The following PIGB variants were observed in gnomAD, a reference collection of about 807,000 sequenced individuals.
PIGB encodes GPI alpha-1,2-mannosyltransferase 3.
PIGB carries 58 observed loss-of-function variants against 68.4 expected under a neutral mutation model. The ratio of observed to expected loss-of-function variants is 0.85; its 90% CI spans 0.69 to 1.06. PIGB has a LOEUF of 1.06. Ranked by LOEUF, PIGB falls within the 50% of genes least tolerant of loss-of-function variation. The pLI, the probability that PIGB is intolerant of heterozygous loss-of-function variation, is 0.00. For missense variants in PIGB, 634 were observed against 655.8 expected (o/e 0.97, Z 0.36); for synonymous variants, 219 against 220.5 (o/e 0.99, Z 0.06).
chr15:55,347,103 T>C (rs1241389932), intron 9 of PIGB, among the ~76,000 whole-genome samples: 1 of 152,270 alleles, frequency 6.6e-6, no homozygotes, highest in African/African-American at 2.4e-5. Flanking sequence ...ATATGTCAAA[T>C]GCATAGTAAT....
chr15:55,321,291 G>A lies in PIGB; in HGVS notation c.318G>A (p.Trp106Ter), dbSNP rs2055157360. 2 of 1,602,458 alleles carry A rather than the reference G, an allele frequency of 1.2e-6. No homozygotes were observed. Among genetic ancestry groups the A allele is most frequent in the Admixed American group, 3.4e-5 (2 of 58,926 alleles). Residue 106 changes from tryptophan (W) to a stop codon, truncating the protein, a stop_gained, in exon 3 of 12, where the codon TGG (tryptophan) becomes TGA (stop). Coordinates refer to ENST00000164305, the MANE Select transcript of PIGB (RefSeq NM_004855.5). LOFTEE classifies it high-confidence loss of function. ...HMVFNYGYLT[W>*]EWTERLRSYT... ...TTACTAATTATGGTTATTTGACTTG[G>A]GAATGGACAGAGAGACTGAGGAGTT...
At chr15:55,321,682 T>G (rs1363097531) in intron 3 of PIGB, among the ~76,000 whole-genome samples, 1 of 141,244 alleles carries the variant, frequency 7.1e-6, no homozygotes, top group African/African-American at 2.7e-5. Context: ...GGACGGAGTT[T>G]GCTCTTGTTG....
At chr15:55,345,921 CAA>C (rs1566957680) in intron 9 of PIGB, among the ~76,000 whole-genome samples, 2 of 152,200 alleles carry the variant, frequency 1.3e-5, no homozygotes, top group Middle Eastern at 3.4e-3. Flanking sequence ...TAAGCTTTCT[CAA>C]AGAGTATTTA....
chr15:55,329,631 C>A, intron 4 of PIGB, 93 bp from the exon 5 acceptor site: 1 of 1,018,966 alleles, frequency 9.8e-7, no homozygotes, highest in Non-Finnish European at 1.4e-6. Context: ...GTCCTTTTCA[C>A]AATATTTAGA....
At chr15:55,339,543 G>A (rs549687503) in intron 7 of PIGB, among the ~76,000 whole-genome samples, 4 of 152,314 alleles carry the variant, frequency 2.6e-5, no homozygotes, top group African/African-American at 9.6e-5. Context: ...ATTATTAAGT[G>A]AGCACTGAAT....
intron 3 of PIGB, among the ~76,000 whole-genome samples, chr15:55,326,967 T>A (rs1234427254): frequency 6.6e-6 from 1 of 152,046 alleles, no homozygotes; most frequent in African/African-American, 2.4e-5. Flanking sequence ...GGTGGAAGTA[T>A]CATTTGAGGC....
rs1219812651 is a variant in PIGB at position 55,331,415 on chromosome 15, T to TA, written c.653+1567dup. ...TAAAATGACATTTTGCACACTCCTT[T>TA]AAAAAATGCAACTATTGGCCGGGTG... On this transcript the variant is annotated intron_variant, in intron 5 of 11. Coordinates refer to ENST00000164305, the MANE Select transcript of PIGB (RefSeq NM_004855.5). Among the ~76,000 whole-genome samples, 3 of 152,122 alleles carry TA rather than the reference T, an allele frequency of 2.0e-5. No homozygotes were observed. In the East Asian group the frequency reaches 5.8e-4, roughly 29 times the overall value.
At chr15:55,338,261 C>G (rs1035845314) in intron 6 of PIGB, among the ~76,000 whole-genome samples, 2 of 152,238 alleles carry the variant, frequency 1.3e-5, no homozygotes, top group Non-Finnish European at 2.9e-5. Context: ...AATCCCCTCC[C>G]CCTTGAACAT....
chr15:55,343,465 T>G (rs2141205353), intron 9 of PIGB: 1 of 152,046 alleles, frequency 6.6e-6, no homozygotes, highest in East Asian at 1.9e-4. Flanking sequence ...GACGGGGAGG[T>G]TGGTTAGTAA....
chr15:55,345,766 A>C (rs773219379), intron 9 of PIGB, among the ~76,000 whole-genome samples: 13 of 152,132 alleles, frequency 8.5e-5, no homozygotes, highest in Non-Finnish European at 1.5e-4. Context: ...TCTAAAAAAA[A>C]AAAATTCTTC....
At chr15:55,322,901 A>G (rs1360944189) in intron 3 of PIGB, among the ~76,000 whole-genome samples, 2 of 152,132 alleles carry the variant, frequency 1.3e-5, no homozygotes, top group Non-Finnish European at 2.9e-5. Context: ...AATATACATA[A>G]TCTCATCAAT....
At position 55,347,210 on chromosome 15, in the gene PIGB, G is replaced by C. The variant is rs570816697; in HGVS notation, c.1124-3489G>C. Among the ~76,000 whole-genome samples the C allele has an allele frequency of 2.6e-4, 39 of 152,356 alleles. 1 individual carries two copies. Among genetic ancestry groups the C allele is most frequent in the African/African-American group, 9.4e-4 (39 of 41,578 alleles). The stretch of plus-strand genomic sequence containing the variant: ...GCACTTTGGGAGGCTGTGGCGGGCA[G>C]ATCACCTGAGTTTGAGACCAGCCTG... On this transcript the variant is annotated intron_variant, in intron 9 of 11. Transcript: ENST00000164305.
chr15:55,335,999 G>C (rs536163709), intron 6 of PIGB, among the ~76,000 whole-genome samples: 3 of 150,086 alleles, frequency 2.0e-5, no homozygotes, highest in Admixed American at 1.3e-4. Flanking sequence ...TCAGAAGTGA[G>C]TAAGATACAG....
At chr15:55,321,207 TAAAAA>T in intron 2 of PIGB, 61 bp from the exon 3 acceptor site, 1 of 1,154,502 alleles carries the variant, frequency 8.7e-7, no homozygotes. Flanking sequence ...GACCCCATCT[TAAAAA>T]AAAAAAAAAC....
In PIGB at chr15:55,340,759, T is replaced by C. The variant is rs980606843; in HGVS notation, c.994T>C (p.Tyr332His). 6.2e-7 allele frequency: 1 copy of C among 1,611,438 alleles called. No individual in the cohort carries two copies. Among genetic ancestry groups the C allele is most frequent in the Non-Finnish European group, 8.5e-7 (1 of 1,178,588 alleles). ...THLPFFIHGC[Y>H]LAPKRYRILL... ...CTTACCCTTCTTTATTCATGGCTGCTATCTAGCACCAAAGAGATACCGGAT... is the reference window on the plus strand; with the variant it reads ...CTTACCCTTCTTTATTCATGGCTGCCATCTAGCACCAAAGAGATACCGGAT... The change falls in exon 8 of 12, where the codon TAT becomes CAT. Residue 332 changes from tyrosine (Y) to histidine (H), a missense_variant. By Grantham distance (83) the Tyr-to-His change is moderately conservative (BLOSUM62 2). Coordinates refer to ENST00000164305, the MANE Select transcript of PIGB (RefSeq NM_004855.5).
rs149798514 is a variant in PIGB, at chr15:55,347,201, T to C, written c.1124-3498T>C. 3.1e-3 allele frequency among the ~76,000 whole-genome samples: 479 copies of C among 152,300 alleles called. 3 individuals carry two copies. The highest frequency in any genetic ancestry group is 0.011 in the African/African-American group (457 of 41,580). On this transcript the variant is annotated intron_variant, in intron 9 of 11. Transcript: ENST00000164305. ...GTAATCCCAGCACTTTGGGAGGCTG[T>C]GGCGGGCAGATCACCTGAGTTTGAG...
chr15:55,320,497 C>A, intron 2 of PIGB, 87 bp downstream of exon 2: 1 of 1,243,938 alleles, frequency 8.0e-7, no homozygotes, highest in Non-Finnish European at 1.1e-6. Flanking sequence ...GTCCCCCTTG[C>A]TCCCTCGTCT....
rs1206467521 is a variant in PIGB, at chr15:55,340,706, A to G, written c.941A>G (p.Gln314Arg). The change falls in exon 8 of 12, where the codon CAA (glutamine) becomes CGA (arginine). Residue 314 changes from glutamine (Q) to arginine (R), a missense_variant. Transcript: ENST00000164305. Reference sequence around the variant, plus strand: ...CATCCATGGCACTGGTACTTCAGTCAAGGATTTCCAGTTATCTTGGGTACT... The same window carrying G: ...CATCCATGGCACTGGTACTTCAGTCGAGGATTTCCAGTTATCTTGGGTACT... ...GSHPWHWYFS[Q>R]GFPVILGTHL... The G allele has an allele frequency of 6.2e-7, 1 of 1,612,154 alleles. No homozygotes were observed. Among genetic ancestry groups the G allele is most frequent in the South Asian group, 1.1e-5 (1 of 90,710 alleles).
At chr15:55,350,995 A>T in intron 10 of PIGB, 83 bp downstream of exon 10, 1 of 703,062 alleles carries the variant, frequency 1.4e-6, no homozygotes, top group East Asian at 2.7e-5. Flanking sequence ...CTGGATTTGA[A>T]TTAATTGGTC....
Sources: allele counts gnomAD v4.1 joint callset (sites outside exome capture counted in the v4.1 genomes callset), GRCh38; gene constraint gnomAD v4.1.1; transcripts MANE v1.5; gene names NCBI Gene and HGNC (gene_info 2026-07-23, HGNC 2026-07-21).